PLBD2: variants seen among roughly 807,000 people sequenced by gnomAD.
PLBD2 encodes the protein putative aminopeptidase PLBD2.
A neutral mutation model predicts 68.3 loss-of-function variants in PLBD2; 51 were observed. The ratio of observed to expected loss-of-function variants is 0.75; its 90% confidence interval spans 0.60 to 0.94. The LOEUF (loss-of-function observed/expected upper bound fraction) is 0.94. PLBD2 is among the 40% of genes least tolerant of loss of function. The probability of loss-of-function intolerance (pLI) is 0.00; values close to 1 mark genes in which losing one functional copy is unlikely to be tolerated. For missense variants in PLBD2, 729 were observed against 792.2 expected, an observed-to-expected ratio of 0.92 and a Z score of 0.96; for synonymous variants, 314 against 339.3, an observed-to-expected ratio of 0.93 and a Z score of 0.82.
chr12:113,383,325 C>T (rs891319351), intron 6 of PLBD2, among the ~76,000 whole-genome samples: 3 of 152,148 alleles, frequency 2.0e-5, no homozygotes, highest in Non-Finnish European at 4.4e-5. Flanking sequence ...TTCATGGGAG[C>T]GGCTCTTTGG....
At chr12:113,387,470 G>A (rs376202848) in intron 10 of PLBD2, among the ~76,000 whole-genome samples, 1 of 152,320 alleles carries the variant, frequency 6.6e-6, no homozygotes, top group African/African-American at 2.4e-5. Context: ...GGCTATCCAG[G>A]AACAAACGGG....
chr12:113,373,085 A>C (rs748830553), intron 3 of PLBD2, among the ~76,000 whole-genome samples: 1 of 152,246 alleles, frequency 6.6e-6, no homozygotes, highest in African/African-American at 2.4e-5. Context: ...GCTTGTGTAC[A>C]TATGGTGTTT....
In PLBD2 at chr12:113,384,891, A is replaced by G. The variant is rs766971280; in HGVS notation, c.1159A>G (p.Ile387Val). The change falls in exon 8 of 12, where the codon ATC becomes GTC. Residue 387 changes from isoleucine (I) to valine (V), a missense_variant. Ile to Val is a conservative substitution (Grantham distance 29). Coordinates refer to ENST00000280800, the MANE Select transcript of PLBD2 (RefSeq NM_173542.4). The surrounding 1 kb of genome is among the most constrained non-coding windows in gnomAD (Gnocchi z 4.2). ...GATGATCGTGGACTACAAGGCGTTCATCCCGGGTGGGCCCAGCCCCGGGAG... is the reference window on the plus strand; with the variant it reads ...GATGATCGTGGACTACAAGGCGTTCGTCCCGGGTGGGCCCAGCCCCGGGAG... Reference protein sequence around the residue: ...QWMIVDYKAFIPGGPSPGSRV... With the variant: ...QWMIVDYKAFVPGGPSPGSRV... The G allele has an allele frequency of 5.6e-6, 9 of 1,612,926 alleles. No homozygotes were observed. The South Asian group carries it at 9.9e-5, about 18-fold the overall frequency.
intron 1 of PLBD2, among the ~76,000 whole-genome samples, chr12:113,367,018 ACC>A (rs1957347960): frequency 1.3e-5 from 2 of 151,776 alleles, no homozygotes; most frequent in Non-Finnish European, 1.5e-5. Flanking sequence ...TGGGGGTTTC[ACC>A]ATGTTGGCCA....
chr12:113,375,895 C>T (rs1957434541), intron 5 of PLBD2, among the ~76,000 whole-genome samples: 1 of 152,152 alleles, frequency 6.6e-6, no homozygotes, highest in African/African-American at 2.4e-5. Flanking sequence ...GCTCTGGTGC[C>T]CAGGCTGGAG....
intron 9 of PLBD2, among the ~76,000 whole-genome samples, chr12:113,386,470 C>T (rs1286928199): frequency 4.1e-5 from 6 of 147,932 alleles, no homozygotes; most frequent in Admixed American, 6.7e-5. Flanking sequence ...TCTTGTGCCT[C>T]AGCCTCCCAA....
At chr12:113,369,320 G>A in intron 2 of PLBD2, 111 bp downstream of exon 2, 1 of 728,230 alleles carries the variant, frequency 1.4e-6, no homozygotes, top group East Asian at 3.2e-5. Flanking sequence ...TCCTGCCACA[G>A]CCCTTCATCT....
Position 113,384,990 on chromosome 12 carries a change from G to A in PLBD2, c.1214+44G>A. 6.5e-7 allele frequency: 1 copy of A among 1,542,202 alleles called. No individual in the cohort carries two copies. The highest frequency in any genetic ancestry group is 8.9e-7 in the Non-Finnish European group (1 of 1,128,114). ...AGGGGTGGGGGCTCGGGGCAGAGGG[G>A]ACTGCCAGGGTGAAGGCCCAGAGCC... On this transcript the variant is annotated intron_variant, in intron 8 of 11. Transcript: ENST00000280800. The surrounding 1 kb of genome is among the most constrained non-coding windows in gnomAD (Gnocchi z 4.2).
intron 5 of PLBD2, among the ~76,000 whole-genome samples, chr12:113,376,051 C>G (rs1957435651): frequency 1.3e-5 from 2 of 151,546 alleles, no homozygotes; most frequent in Non-Finnish European, 2.9e-5. Flanking sequence ...ACAGGGTTTT[C>G]CCATATTGGC....
chr12:113,374,637 A>T, intron 4 of PLBD2, 63 bp downstream of exon 4: 7 of 1,486,522 alleles, frequency 4.7e-6, no homozygotes, highest in Non-Finnish European at 6.5e-6. Context: ...AGTCGGACAG[A>T]CCTGGGTTCC....
rs111292825 is a variant in PLBD2, at chr12:113,385,850, A to G, written c.1286+567A>G. ...ACTGCAGCCTCCGCCTCCTGAGCTCAAGTGATTCTCCTGCCTCAGCCTCCT... is the reference window on the plus strand; with the variant it reads ...ACTGCAGCCTCCGCCTCCTGAGCTCGAGTGATTCTCCTGCCTCAGCCTCCT... On this transcript the variant is annotated intron_variant, in intron 9 of 11. Transcript: ENST00000280800. 4.3e-4 allele frequency among the ~76,000 whole-genome samples: 65 copies of G among 152,090 alleles called. 1 individual carries two copies. Among genetic ancestry groups the G allele is most frequent in the African/African-American group, 1.5e-3 (62 of 41,486 alleles).
rs749200600 is a variant in PLBD2, at chr12:113,358,645, G to T, written c.45G>T (p.Arg15=). 6.8e-7 allele frequency: 1 copy of T among 1,464,090 alleles called. No individual in the cohort carries two copies. The allele number at this position is 1,464,090 out of a possible 1,614,324, so 90.7% of individuals were successfully genotyped here. ...MYCYPGSHLA[R]ALTRALALAL... ...GCTACCCCGGCAGCCACCTGGCCCG[G>T]GCGCTGACGCGGGCGCTGGCGCTGG... Residue 15 remains arginine (R), a synonymous_variant, in exon 1 of 12, where the codon CGG becomes CGT. Transcript: ENST00000280800.
chr12:113,376,411 G>A (rs556216896), intron 5 of PLBD2, among the ~76,000 whole-genome samples: 29 of 149,918 alleles, frequency 1.9e-4, no homozygotes, highest in South Asian at 4.3e-4. Flanking sequence ...TGATACAGCC[G>A]CCTCGGCCTC....
At chr12:113,365,192 T>C (rs1033051625) in intron 1 of PLBD2, among the ~76,000 whole-genome samples, 3 of 152,190 alleles carry the variant, frequency 2.0e-5, no homozygotes, top group Non-Finnish European at 4.4e-5. Flanking sequence ...AGAATGTTAG[T>C]CTCAGCTCTG....
Position 113,388,384 on chromosome 12 carries a change from C to T in PLBD2, c.1603-75C>T, listed in dbSNP as rs1957574631. Reference sequence around the variant, plus strand: ...CAGAATTGGGCTCTGGGGTCAAGGTCAGGGTGGGAGGCTGGGTGCCTGGAT... The same window carrying T: ...CAGAATTGGGCTCTGGGGTCAAGGTTAGGGTGGGAGGCTGGGTGCCTGGAT... On this transcript the variant is annotated intron_variant, in intron 11 of 11. Transcript: ENST00000280800. The T allele has an allele frequency of 2.2e-6, 3 of 1,391,174 alleles. No individual in the cohort carries two copies. The Admixed American group carries it at 9.1e-5, about 42-fold the overall frequency. The allele number at this position is 1,391,174 out of a possible 1,614,324, so 86.2% of individuals were successfully genotyped here. A position where few individuals can be genotyped will look rare whatever the true frequency, so the allele number is the denominator to read the frequency against.
intron 9 of PLBD2, among the ~76,000 whole-genome samples, chr12:113,386,199 T>G (rs1454279956): frequency 6.6e-6 from 1 of 152,144 alleles, no homozygotes; most frequent in Non-Finnish European, 1.5e-5. Flanking sequence ...TTTGTTTGTT[T>G]GTTTTTAGAG....
At chr12:113,362,518 G>A (rs1239670201) in intron 1 of PLBD2, among the ~76,000 whole-genome samples, 1 of 151,276 alleles carries the variant, frequency 6.6e-6, no homozygotes, top group Non-Finnish European at 1.5e-5. Context: ...GAGGCACCTT[G>A]ATTAGACTCT....
At chr12:113,358,960 T>G in intron 1 of PLBD2, 70 bp downstream of exon 1, 2 of 1,419,526 alleles carry the variant, frequency 1.4e-6, no homozygotes, top group Non-Finnish European at 9.3e-7. Flanking sequence ...ACCTCGCCTG[T>G]TCCCGGGACC....
In PLBD2 at chr12:113,358,880, C is replaced by CT. The variant is rs1957260789; in HGVS notation, c.280_281insT (p.Arg94LeufsTer18). The CT allele has an allele frequency of 6.6e-7, 1 of 1,525,220 alleles. No homozygotes were observed. Among genetic ancestry groups the CT allele is most frequent in the Non-Finnish European group, 8.8e-7 (1 of 1,138,964 alleles). The allele number at this position is 1,525,220 out of a possible 1,614,324, so 94.5% of individuals were successfully genotyped here. On this transcript the variant is annotated frameshift_variant, in exon 1 of 12. Transcript: ENST00000280800. LOFTEE classifies it high-confidence loss of function. ...CTGGGCCAACCTCACCAACGCCATC[C>CT]GCGAGACTGGGTAAGGGTTGGCTTA...
Sources: gnomAD v4.1 joint callset for allele counts (sites outside exome capture counted in the v4.1 genomes callset) on GRCh38, gnomAD v4.1.1 for gene constraint, Gnocchi (gnomAD v3.1) non-coding constraint, MANE v1.5 for transcripts, NCBI Gene and HGNC (gene_info 2026-07-23, HGNC 2026-07-21) for gene names.